The following WDFY1 variants were observed in gnomAD, a reference collection of about 807,000 sequenced individuals.
The protein encoded by WDFY1 is WD repeat and FYVE domain-containing protein 1.
A neutral mutation model predicts 56.4 loss-of-function variants in WDFY1; 32 were observed. That is an observed-to-expected ratio of 0.57 (90% confidence interval 0.43 to 0.76). The LOEUF is 0.76. Ranked by LOEUF, WDFY1 falls within the 30% of genes least tolerant of loss-of-function variation. WDFY1 has a pLI of 0.00. For synonymous variants in WDFY1, 192 were observed against 197.3 expected (o/e 0.97, Z 0.23); for missense variants, 480 against 545.7 (o/e 0.88, Z 1.20).
intron 11 of WDFY1, 63 bp from the exon 12 acceptor site, chr2:223,878,793 AAC>A: frequency 1.3e-6 from 2 of 1,586,236 alleles, no homozygotes; most frequent in Non-Finnish European, 1.7e-6. Flanking sequence ...GGCAAGAGTC[AAC>A]ACAGACAAAC....
intron 9 of WDFY1, among the ~76,000 whole-genome samples, chr2:223,882,861 G>A (rs1467733177): frequency 6.6e-6 from 1 of 151,898 alleles, no homozygotes. Context: ...CCAAGTAGCT[G>A]GCACTACACG....
chr2:223,928,200 A>T (rs1163283157), intron 1 of WDFY1, among the ~76,000 whole-genome samples: 1 of 152,234 alleles, frequency 6.6e-6, no homozygotes, highest in African/African-American at 2.4e-5. Flanking sequence ...AGCACAATGT[A>T]TTGGAAAAAT....
intron 9 of WDFY1, 120 bp from the exon 10 acceptor site, chr2:223,882,192 G>T (rs1250276150): frequency 1.6e-6 from 2 of 1,278,140 alleles, no homozygotes; most frequent in Non-Finnish European, 2.1e-6. Flanking sequence ...TCGGCTCACT[G>T]CAACCTCTGG....
chr2:223,893,864 C>G (rs1693318198), intron 8 of WDFY1, among the ~76,000 whole-genome samples: 1 of 152,220 alleles, frequency 6.6e-6, no homozygotes, highest in Admixed American at 6.5e-5. Context: ...ACTGATGCAT[C>G]TCTCAGGGTT....
At chr2:223,897,305 G>A (rs1212570987) in intron 6 of WDFY1, among the ~76,000 whole-genome samples, 1 of 146,452 alleles carries the variant, frequency 6.8e-6, no homozygotes, top group Non-Finnish European at 1.5e-5. Context: ...ATCCATTACA[G>A]CTTAGCATCT....
At chr2:223,929,998 A>G (rs1029660206) in intron 1 of WDFY1, among the ~76,000 whole-genome samples, 9 of 152,248 alleles carry the variant, frequency 5.9e-5, no homozygotes, top group African/African-American at 2.2e-4. Context: ...AGTAATTCCT[A>G]AACAATAAGG....
At chr2:223,936,729 G>A (rs1694174037) in intron 1 of WDFY1, among the ~76,000 whole-genome samples, 1 of 152,190 alleles carries the variant, frequency 6.6e-6, no homozygotes, top group South Asian at 2.1e-4. Context: ...CTTCATGCCT[G>A]TATAAAATAT....
intron 2 of WDFY1, among the ~76,000 whole-genome samples, chr2:223,917,034 G>C (rs771587255): frequency 6.6e-6 from 1 of 151,828 alleles, no homozygotes; most frequent in African/African-American, 2.4e-5. Flanking sequence ...GGCTGGTCTC[G>C]AACTCCCAAC....
At chr2:223,902,301 C>T (rs897848244) in intron 4 of WDFY1, among the ~76,000 whole-genome samples, 3 of 152,348 alleles carry the variant, frequency 2.0e-5, no homozygotes, top group Middle Eastern at 6.8e-3. Context: ...GTGGCTCACA[C>T]CTATAATCCC....
chr2:223,907,790 C>T (rs1331213320), intron 3 of WDFY1, among the ~76,000 whole-genome samples: 1 of 152,150 alleles, frequency 6.6e-6, no homozygotes, highest in East Asian at 1.9e-4. Context: ...ACTGCATGGG[C>T]AGGGAGCCTG....
intron 1 of WDFY1, among the ~76,000 whole-genome samples, chr2:223,927,980 G>C (rs1239025048): frequency 6.6e-6 from 1 of 152,082 alleles, no homozygotes; most frequent in African/African-American, 2.4e-5. Context: ...GAGACAGACA[G>C]ACATAGGGTA....
intron 11 of WDFY1, among the ~76,000 whole-genome samples, chr2:223,879,548 A>G (rs796232593): frequency 6.6e-6 from 1 of 151,752 alleles, no homozygotes; most frequent in Non-Finnish European, 1.5e-5. Flanking sequence ...AGTTCTAGCT[A>G]CTTTGGAAGG....
chr2:223,885,111 C>T (rs1423753924), intron 8 of WDFY1, among the ~76,000 whole-genome samples: 3 of 152,074 alleles, frequency 2.0e-5, no homozygotes, highest in African/African-American at 7.2e-5. Flanking sequence ...AGCAACCATG[C>T]CCGGCCAGTT....
intron 1 of WDFY1, among the ~76,000 whole-genome samples, chr2:223,921,315 C>G (rs1314360363): frequency 6.6e-6 from 1 of 152,240 alleles, no homozygotes; most frequent in African/African-American, 2.4e-5. Flanking sequence ...GCTAACACAA[C>G]TGGATTAATC....
chr2:223,912,862 T>G (rs1005795673), intron 2 of WDFY1, among the ~76,000 whole-genome samples: 2 of 152,152 alleles, frequency 1.3e-5, no homozygotes, highest in African/African-American at 4.8e-5. Context: ...CTTCCAGAAA[T>G]CACAGGCTAG....
Position 223,928,126 on chromosome 2 carries a change from G to C in WDFY1, c.138-10116C>G, listed in dbSNP as rs184387010. ...TCACTGAACACAGACCACCACAACAGATATAATAATAAAGTTTGGAATATT... is the reference window on the plus strand; with the variant it reads ...TCACTGAACACAGACCACCACAACACATATAATAATAAAGTTTGGAATATT... On this transcript the variant is annotated intron_variant, in intron 1 of 11. Transcript: ENST00000233055. Among the ~76,000 whole-genome samples the C allele has an allele frequency of 2.0e-5, 3 of 152,238 alleles. No individual in the cohort carries two copies. The East Asian group carries it at 5.8e-4, about 29-fold the overall frequency.
At chr2:223,917,851 T>A (rs1174359985) in intron 2 of WDFY1, 92 bp downstream of exon 2, 2 of 1,464,178 alleles carry the variant, frequency 1.4e-6, no homozygotes, top group African/African-American at 2.8e-5. Context: ...GGATTACAGG[T>A]GTGAGCCACC....
chr2:223,894,557 A>G, intron 7 of WDFY1: 1 of 529,420 alleles, frequency 1.9e-6, no homozygotes, highest in South Asian at 2.2e-5. Flanking sequence ...GACTACTTTC[A>G]AATCGGTCAT....
At chr2:223,897,386 A>T (rs185345798) in intron 6 of WDFY1, among the ~76,000 whole-genome samples, 110,955 of 124,030 alleles carry the variant, frequency 0.89, 49,721 homozygotes, top group South Asian at 0.93. Flanking sequence ...ATATATATAT[A>T]TATATTTTTT....
Sources: gnomAD v4.1 joint callset for allele counts (sites outside exome capture counted in the v4.1 genomes callset) on GRCh38, gnomAD v4.1.1 for gene constraint, MANE v1.5 for transcripts, NCBI Gene and HGNC (gene_info 2026-07-23, HGNC 2026-07-21) for gene names.